Variants in TRPM3 observed in about 807,000 individuals in gnomAD.
The protein encoded by TRPM3 is long transient receptor potential channel 3.
In TRPM3, 77 loss-of-function variants were observed where a neutral mutation model predicts 181.2. The observed-to-expected ratio is 0.42, with a 90% CI of 0.35 to 0.51. TRPM3 has a LOEUF of 0.51. Among genes scored for constraint, TRPM3 ranks in the 20% least tolerant of loss-of-function variants. The pLI is 0.01. For synonymous variants in TRPM3, 745 were observed against 796.4 expected (o/e 0.94, Z 1.09); for missense variants, 1,759 against 2,196.7 (o/e 0.80, Z 3.98).
At chr9:71,069,808 A>T (rs1026749243) in intron 1 of TRPM3, among the ~76,000 whole-genome samples, 3 of 151,150 alleles carry the variant, frequency 2.0e-5, no homozygotes, top group Non-Finnish European at 4.4e-5. Flanking sequence ...GGTTTTTGCC[A>T]TGTTAATCAG....
rs1019679911 is a variant in TRPM3 at position 70,531,155 on chromosome 9, T to C, written c.*4798A>G. Reference sequence around the variant, plus strand: ...CCCAGTAGCTCTGAAGAATCAGAAATGTGTCTTGCATATATCACAGATGCA... The same window carrying C: ...CCCAGTAGCTCTGAAGAATCAGAAACGTGTCTTGCATATATCACAGATGCA... On this transcript the variant is annotated 3_prime_UTR_variant, in exon 26 of 26. Transcript: ENST00000677713. The C allele has an allele frequency of 1.1e-4, 16 of 152,228 alleles. No homozygotes were observed. Among genetic ancestry groups the C allele is most frequent in the African/African-American group, 3.9e-4 (16 of 41,458 alleles). The allele number at this position is 152,228 out of a possible 1,614,324, so 9.4% of individuals were successfully genotyped here.
chr9:71,068,751 G>A (rs2062286454), intron 1 of TRPM3, among the ~76,000 whole-genome samples: 1 of 152,182 alleles, frequency 6.6e-6, no homozygotes, highest in African/African-American at 2.4e-5. Flanking sequence ...CTAGGAATCT[G>A]CATTTTCAAA....
intron 1 of TRPM3, among the ~76,000 whole-genome samples, chr9:70,964,823 ATCTGACCTTT>A (rs2097170567): frequency 6.6e-6 from 1 of 152,114 alleles, no homozygotes; most frequent in South Asian, 2.1e-4. Flanking sequence ...AATTTTCTAA[ATCTGACCTTT>A]TCTGACTCTT....
intron 1 of TRPM3, among the ~76,000 whole-genome samples, chr9:71,177,399 C>A (rs2077162275): frequency 6.6e-6 from 1 of 152,134 alleles, no homozygotes; most frequent in Admixed American, 6.6e-5. Context: ...CCCACTAAAC[C>A]CATCCCTGGT....
intron 8 of TRPM3, among the ~76,000 whole-genome samples, chr9:70,750,786 T>C (rs1245239016): frequency 6.6e-6 from 1 of 152,122 alleles, no homozygotes; most frequent in African/African-American, 2.4e-5. Flanking sequence ...CTGGAGGATG[T>C]TGGATAGGCT....
intron 1 of TRPM3, among the ~76,000 whole-genome samples, chr9:71,288,646 C>T (rs139598269): frequency 1.3e-5 from 2 of 151,996 alleles, no homozygotes; most frequent in Non-Finnish European, 2.9e-5. Context: ...GAGGAGAATT[C>T]CTTGGAGGCC....
rs143880655 is a variant in TRPM3 at position 70,567,946 on chromosome 9, GAGAGA to G, written c.3224-14641_3224-14637del. ...AATATACGCATACACACACAGGAGA[GAGAGA>G]AGAGAGAGATGAGAGAGAAAAAAAG... On this transcript the variant is annotated intron_variant, in intron 22 of 25. Coordinates refer to ENST00000677713, the MANE Select transcript of TRPM3 (RefSeq NM_001366145.2). 2.5e-3 allele frequency among the ~76,000 whole-genome samples: 384 copies of G among 152,304 alleles called. 3 individuals are homozygous for G. Among genetic ancestry groups the G allele is most frequent in the African/African-American group, 8.7e-3 (362 of 41,544 alleles).
At chr9:71,420,674 A>AGG (rs2093718881) in intron 1 of TRPM3, among the ~76,000 whole-genome samples, 1 of 139,414 alleles carries the variant, frequency 7.2e-6, no homozygotes, top group Non-Finnish European at 1.6e-5. Flanking sequence ...AAAGAAAGAG[A>AGG]GAAAGAAAGA....
intron 1 of TRPM3, among the ~76,000 whole-genome samples, chr9:71,427,704 A>G (rs978556793): frequency 2.0e-5 from 3 of 152,190 alleles, no homozygotes; most frequent in African/African-American, 7.2e-5. Flanking sequence ...CGAGCTAAAC[A>G]TTGGGTACAA....
At chr9:70,795,587 C>T (rs1360706643) in intron 6 of TRPM3, among the ~76,000 whole-genome samples, 1 of 152,196 alleles carries the variant, frequency 6.6e-6, no homozygotes, top group African/African-American at 2.4e-5. Context: ...ACTCTTCCTG[C>T]TTTGGGATAG....
intron 1 of TRPM3, among the ~76,000 whole-genome samples, chr9:71,359,686 A>G (rs1326338308): frequency 6.6e-6 from 1 of 152,024 alleles, no homozygotes; most frequent in East Asian, 1.9e-4. Context: ...TAGGATTTTA[A>G]TATGTCCCTA....
chr9:70,862,686 C>T (rs1244583202), intron 3 of TRPM3, among the ~76,000 whole-genome samples: 1 of 152,058 alleles, frequency 6.6e-6, no homozygotes, highest in Non-Finnish European at 1.5e-5. Context: ...TTAAAAGTCA[C>T]TAATTACTTT....
intron 1 of TRPM3, among the ~76,000 whole-genome samples, chr9:70,976,316 TCTC>T (rs1200524557): frequency 6.6e-6 from 1 of 152,098 alleles, no homozygotes; most frequent in Non-Finnish European, 1.5e-5. Flanking sequence ...AAACTCAACT[TCTC>T]CTACCAGAAG....
chr9:70,646,885 A>AC (rs992490301), intron 9 of TRPM3, among the ~76,000 whole-genome samples: 8 of 129,410 alleles, frequency 6.2e-5, no homozygotes, highest in East Asian at 4.8e-4. Context: ...CAAAAAAAAA[A>AC]AAAAAACCCT....
chr9:70,663,230 A>T (rs1050701026), intron 9 of TRPM3, among the ~76,000 whole-genome samples: 2 of 152,120 alleles, frequency 1.3e-5, no homozygotes, highest in African/African-American at 2.4e-5. Context: ...TATGTTGGGG[A>T]TTCAGAGAGG....
At chr9:70,606,647 G>A (rs1220794183) in intron 19 of TRPM3, among the ~76,000 whole-genome samples, 13 of 85,324 alleles carry the variant, frequency 1.5e-4, no homozygotes, top group Admixed American at 8.6e-4. Context: ...GTGTGTGTGT[G>A]TGTGTATATA....
chr9:70,881,801 TC>T (rs2095998769), intron 1 of TRPM3, among the ~76,000 whole-genome samples: 1 of 152,204 alleles, frequency 6.6e-6, no homozygotes, highest in South Asian at 2.1e-4. Context: ...CCCATTGCTC[TC>T]AAGTGACCAA....
intron 1 of TRPM3, among the ~76,000 whole-genome samples, chr9:70,888,836 T>C (rs1234092969): frequency 6.6e-6 from 1 of 152,180 alleles, no homozygotes; most frequent in Non-Finnish European, 1.5e-5. Context: ...TTCAACAACA[T>C]TTCTGATCAA....
At chr9:70,857,303 A>G (rs2095411957) in intron 3 of TRPM3, among the ~76,000 whole-genome samples, 1 of 151,314 alleles carries the variant, frequency 6.6e-6, no homozygotes, top group Non-Finnish European at 1.5e-5. Context: ...TTCCTGCGTC[A>G]CAATTTTTCT....
Sources: gnomAD v4.1 joint callset for allele counts (sites outside exome capture counted in the v4.1 genomes callset) on GRCh38, gnomAD v4.1.1 for gene constraint, MANE v1.5 for transcripts, NCBI Gene and HGNC (gene_info 2026-07-23, HGNC 2026-07-21) for gene names.